Variants in SSUH2 observed in about 807,000 individuals in gnomAD.
SSUH2 encodes protein SSUH2 homolog.
In SSUH2, 47 loss-of-function variants were observed where a neutral mutation model predicts 55.3. That is an observed-to-expected ratio of 0.85 (90% CI 0.67 to 1.08). The LOEUF is 1.08. Among genes scored for constraint, SSUH2 ranks in the 50% least tolerant of loss-of-function variants. SSUH2 has a pLI of 0.00. For missense variants in SSUH2, 535 were observed against 490.7 expected (o/e 1.09, Z -0.85); for synonymous variants, 212 against 191.5 (o/e 1.11, Z -0.89).
intron 11 of SSUH2, among the ~76,000 whole-genome samples, chr3:8,621,514 G>C (rs1195638212): frequency 6.6e-6 from 1 of 152,160 alleles, no homozygotes; most frequent in Admixed American, 6.5e-5. Flanking sequence ...GAGAGGCCAG[G>C]GGGCAGCATG....
intron 11 of SSUH2, among the ~76,000 whole-genome samples, chr3:8,620,258 T>A (rs1440873109): frequency 6.6e-6 from 1 of 152,152 alleles, no homozygotes; most frequent in African/African-American, 2.4e-5. Context: ...CCCATACCAT[T>A]CTCATGATAG....
chr3:8,676,106 C>T (rs1179490928), intron 3 of SSUH2, among the ~76,000 whole-genome samples: 4 of 152,080 alleles, frequency 2.6e-5, no homozygotes, highest in African/African-American at 7.2e-5. Context: ...CTCTTCCCCG[C>T]CTGGCTCTTA....
At chr3:8,641,712 C>T (rs972419601) in intron 1 of SSUH2, among the ~76,000 whole-genome samples, 1 of 152,222 alleles carries the variant, frequency 6.6e-6, no homozygotes, top group African/African-American at 2.4e-5. Context: ...CCTCCATCCA[C>T]GGGATGTGTG....
chr3:8,671,664 G>A (rs999517282), intron 4 of SSUH2, among the ~76,000 whole-genome samples: 11 of 152,038 alleles, frequency 7.2e-5, no homozygotes, highest in Non-Finnish European at 1.5e-4. Flanking sequence ...ACAATATTAC[G>A]AATAATATCG....
chr3:8,642,680 C>G (rs943025250), intron 1 of SSUH2, among the ~76,000 whole-genome samples: 1 of 152,150 alleles, frequency 6.6e-6, no homozygotes, highest in Non-Finnish European at 1.5e-5. Flanking sequence ...GGTTTTCTCC[C>G]CCTGAAGTCA....
Position 8,681,421 on chromosome 3 carries a change from C to T in SSUH2, c.-1046+470G>A, listed in dbSNP as rs569542421. Among the ~76,000 whole-genome samples the T allele has an allele frequency of 2.7e-4, 30 of 109,388 alleles. No individual in the cohort carries two copies. The South Asian group carries it at 5.2e-3, about 19-fold the overall frequency. The allele number at this position is 109,388 out of a possible 152,430, so 71.8% of individuals were successfully genotyped here. The stretch of plus-strand genomic sequence containing the variant: ...AGGATGGGGAGGCACCCCCGGCGAG[C>T]CCGGGACTGAGAGCCAGCCCCTCTT... On this transcript the variant is annotated intron_variant, in intron 1 of 18. Transcript: ENST00000317371.
upstream of SSUH2, among the ~76,000 whole-genome samples, chr3:8,648,682 A>C (rs375163916): frequency 1.1e-4 from 17 of 152,240 alleles, 1 homozygote; most frequent in Admixed American, 4.6e-4. Flanking sequence ...CCTCCAGGCC[A>C]CAGTGCCCCT....
chr3:8,628,342 G>A (rs1014850812), intron 7 of SSUH2, among the ~76,000 whole-genome samples: 40 of 152,260 alleles, frequency 2.6e-4, no homozygotes, highest in African/African-American at 7.7e-4. Flanking sequence ...GATGAGGCTC[G>A]AATCAGGACA....
chr3:8,674,704 T>A (rs1419240683), intron 3 of SSUH2, among the ~76,000 whole-genome samples: 1 of 152,154 alleles, frequency 6.6e-6, no homozygotes, highest in Non-Finnish European at 1.5e-5. Flanking sequence ...CTCAGCAAGC[T>A]GAGAGCCACT....
chr3:8,638,157 G>A (rs912913967), intron 1 of SSUH2, among the ~76,000 whole-genome samples: 4 of 152,122 alleles, frequency 2.6e-5, no homozygotes, highest in Non-Finnish European at 4.4e-5. Context: ...TTTCTGGGGC[G>A]AAGGCCCATG....
chr3:8,673,729 A>T (rs572354865), intron 3 of SSUH2, among the ~76,000 whole-genome samples: 10 of 152,328 alleles, frequency 6.6e-5, no homozygotes, highest in African/African-American at 2.4e-4. Context: ...CCCCAAGAGT[A>T]TGGAAGGACT....
intron 2 of SSUH2, among the ~76,000 whole-genome samples, chr3:8,678,890 A>T (rs1465659301): frequency 4.9e-5 from 5 of 101,778 alleles, no homozygotes; most frequent in East Asian, 5.0e-4. Context: ...CCCCATTGCA[A>T]GGGAGGGAGG....
chr3:8,663,502 A>G (rs1314761393), intron 6 of SSUH2, among the ~76,000 whole-genome samples: 2 of 151,758 alleles, frequency 1.3e-5, no homozygotes, highest in African/African-American at 4.8e-5. Context: ...CGACAGAAAA[A>G]CACAGAGAAA....
intron 2 of SSUH2, among the ~76,000 whole-genome samples, chr3:8,678,847 C>G (rs1362860105): frequency 9.0e-6 from 1 of 111,266 alleles, no homozygotes; most frequent in Non-Finnish European, 2.1e-5. Flanking sequence ...GACTGAGAAC[C>G]AATCCCTCTT....
At chr3:8,628,387 G>A (rs150417002) in intron 7 of SSUH2, among the ~76,000 whole-genome samples, 1 of 152,088 alleles carries the variant, frequency 6.6e-6, no homozygotes, top group African/African-American at 2.4e-5. Context: ...TTACCCCCTG[G>A]GATTGTTAAT....
At chr3:8,657,203 C>G (rs1015480317) in intron 7 of SSUH2, among the ~76,000 whole-genome samples, 2 of 152,166 alleles carry the variant, frequency 1.3e-5, no homozygotes, top group Non-Finnish European at 2.9e-5. Flanking sequence ...TTATAATTAC[C>G]TCCTTTCTTA....
chr3:8,680,077 C>T (rs1431166281), intron 1 of SSUH2, among the ~76,000 whole-genome samples: 1 of 152,126 alleles, frequency 6.6e-6, no homozygotes. Context: ...AAGCCTTTTC[C>T]GTTGTATGCA....
At chr3:8,629,491 C>T (rs1439725044) in intron 7 of SSUH2, 173 bp downstream of exon 7, 1 of 606,700 alleles carries the variant, frequency 1.6e-6, no homozygotes, top group Admixed American at 2.9e-5. Context: ...ACCACACAAC[C>T]CCACTTTTTC....
intron 3 of SSUH2, among the ~76,000 whole-genome samples, chr3:8,676,565 C>G (rs1038938528): frequency 1.3e-5 from 2 of 151,012 alleles, no homozygotes; most frequent in African/African-American, 2.4e-5. Context: ...TAATATCAAC[C>G]TCTCGGCCTC....
Sources: allele counts gnomAD v4.1 joint callset (sites outside exome capture counted in the v4.1 genomes callset), GRCh38; gene constraint gnomAD v4.1.1; transcripts MANE v1.5; gene names NCBI Gene and HGNC (gene_info 2026-07-23, HGNC 2026-07-21).